Variants in EVC2 observed in about 807,000 individuals in gnomAD.
The protein encoded by EVC2 is EvC ciliary complex subunit 2.
A neutral mutation model predicts 149.3 loss-of-function variants in EVC2; 148 were observed. The observed-to-expected ratio is 0.99, with a 90% confidence interval of 0.87 to 1.14. The LOEUF (loss-of-function observed/expected upper bound fraction) is 1.14. Ranked by LOEUF, EVC2 falls within the 50% of genes most tolerant of loss-of-function variation. The pLI is 0.00. For synonymous variants in EVC2, 776 were observed against 649.9 expected (o/e 1.19, Z -2.95); for missense variants, 1,854 against 1,627.3 (o/e 1.14, Z -2.40).
At chr4:5,697,798 T>A (rs112470838) in intron 1 of EVC2, 151 bp from the exon 2 acceptor site, 1 of 692,682 alleles carries the variant, frequency 1.4e-6, no homozygotes. Flanking sequence ...CAGGCTGCAG[T>A]GCAGTGGCGC....
intron 20 of EVC2, among the ~76,000 whole-genome samples, chr4:5,565,905 G>C (rs917973506): frequency 1.3e-5 from 2 of 152,146 alleles, no homozygotes; most frequent in African/African-American, 4.8e-5. Context: ...TGACGGGTTG[G>C]GGGAGTCATT....
chr4:5,606,267 C>G (rs1344442965), intron 16 of EVC2, among the ~76,000 whole-genome samples: 1 of 152,198 alleles, frequency 6.6e-6, no homozygotes, highest in African/African-American at 2.4e-5. Context: ...TTTTTGAGAA[C>G]AAATCTTTTA....
chr4:5,650,728 A>G (rs1349575591), intron 9 of EVC2, among the ~76,000 whole-genome samples: 1 of 150,008 alleles, frequency 6.7e-6, no homozygotes, highest in Non-Finnish European at 1.5e-5. Context: ...TCTCTCTTAC[A>G]GGTAAAGAAA....
At chr4:5,682,398 G>A (rs997929033) in intron 6 of EVC2, among the ~76,000 whole-genome samples, 1 of 151,826 alleles carries the variant, frequency 6.6e-6, no homozygotes, top group African/African-American at 2.4e-5. Context: ...GCTGAGGCAG[G>A]AGAATGGCTT....
intron 9 of EVC2, among the ~76,000 whole-genome samples, chr4:5,650,647 AG>A: frequency 7.9e-6 from 1 of 126,886 alleles, no homozygotes; most frequent in Non-Finnish European, 1.7e-5. Flanking sequence ...ATAGAGAGAG[AG>A]AGAGAGAGAG....
the EVC2 span, among the ~76,000 whole-genome samples, chr4:5,532,227 A>G: frequency 6.6e-6 from 1 of 152,110 alleles, no homozygotes; most frequent in Non-Finnish European, 1.5e-5. Flanking sequence ...TCCAGCCTAA[A>G]GGCCATCTGT....
At chr4:5,698,788 C>T (rs1003221593) in intron 1 of EVC2, among the ~76,000 whole-genome samples, 2 of 152,240 alleles carry the variant, frequency 1.3e-5, no homozygotes, top group Admixed American at 6.5e-5. Context: ...AGCACATGTG[C>T]TCACCCTGCA....
chr4:5,594,911 C>G (rs983272820), intron 16 of EVC2, among the ~76,000 whole-genome samples: 4 of 152,020 alleles, frequency 2.6e-5, no homozygotes, highest in Non-Finnish European at 4.4e-5. Context: ...TAGAGAACTA[C>G]GAGAAGAATG....
chr4:5,553,205 G>C (rs543095088), intron 21 of EVC2, among the ~76,000 whole-genome samples: 11 of 152,204 alleles, frequency 7.2e-5, no homozygotes, highest in Non-Finnish European at 1.0e-4. Flanking sequence ...AGGGGAAGCA[G>C]GCATGTCTCA....
At chr4:5,575,317 CAA>C (rs1560132138) in intron 18 of EVC2, among the ~76,000 whole-genome samples, 1 of 152,216 alleles carries the variant, frequency 6.6e-6, no homozygotes, top group Non-Finnish European at 1.5e-5. Context: ...CAACTCAAAT[CAA>C]AAGTTTGAAC....
chr4:5,623,468 T>C (rs1242288830), intron 13 of EVC2, among the ~76,000 whole-genome samples: 1 of 152,114 alleles, frequency 6.6e-6, no homozygotes, highest in Non-Finnish European at 1.5e-5. Flanking sequence ...GCCTCCCCAG[T>C]AGCTGGGATT....
At chr4:5,652,461 A>C (rs910653501) in intron 9 of EVC2, among the ~76,000 whole-genome samples, 2 of 152,212 alleles carry the variant, frequency 1.3e-5, no homozygotes, top group East Asian at 3.9e-4. Flanking sequence ...GCTGTAACAA[A>C]GTAACACAAA....
Position 5,677,205 on chromosome 4 carries a change from C to T in EVC2, c.870+4055G>A, listed in dbSNP as rs939201386. On this transcript the variant is annotated intron_variant, in intron 7 of 21. Transcript: ENST00000344408. The surrounding 1 kb of genome is among the most constrained non-coding windows in gnomAD (Gnocchi z 4.3). ...CTCAACAACCATCCTATGAAGTGAA[C>T]GTTGTTATTACTCTCATTTCACAGT... Among the ~76,000 whole-genome samples the T allele has an allele frequency of 5.9e-5, 9 of 152,160 alleles. No individual in the cohort carries two copies. The highest frequency in any genetic ancestry group is 1.4e-4 in the African/African-American group (6 of 41,424).
rs2151729261 is a variant in EVC2, at chr4:5,686,553, G to C, written c.707-1074C>G. Among the ~76,000 whole-genome samples, 1 of 152,230 alleles carries C rather than the reference G, an allele frequency of 6.6e-6. No homozygotes were observed. The stretch of plus-strand genomic sequence containing the variant: ...GCCCCGAGATGGATGGAGAACACGT[G>C]ATTTTCTGCAACATACAGAAGAAGA... On this transcript the variant is annotated intron_variant, in intron 5 of 21. Transcript: ENST00000344408. The surrounding 1 kb of genome is among the most constrained non-coding windows in gnomAD (Gnocchi z 5.4).
rs1488083681 is a variant in EVC2, at chr4:5,677,469, T to G, written c.870+3791A>C. Among the ~76,000 whole-genome samples, 1 of 152,142 alleles carries G rather than the reference T, an allele frequency of 6.6e-6. No homozygotes were observed. The highest frequency in any genetic ancestry group is 1.9e-4 in the East Asian group (1 of 5,172). On this transcript the variant is annotated intron_variant, in intron 7 of 21. Coordinates refer to ENST00000344408, the MANE Select transcript of EVC2 (RefSeq NM_147127.5). This position sits in a 1 kb window ranked among gnomAD's most constrained non-coding sequence, Gnocchi z 4.3. ...GGTGTGGCTGAAATCCAGCCCCAGC[T>G]CCACGGCCAGGACTTGCATCCACAG...
rs115607710 is a variant in EVC2, at chr4:5,614,323, C to T, written c.2829+1099G>A. ...TTTCCCCCAACTAGAACGGGCTCGC[C>T]TCTACTGGAGAGCAGGGACCAGGGC... On this transcript the variant is annotated intron_variant, in intron 16 of 21. Coordinates refer to ENST00000344408, the MANE Select transcript of EVC2 (RefSeq NM_147127.5). This position sits in a 1 kb window ranked among gnomAD's most constrained non-coding sequence, Gnocchi z 4.7. Among the ~76,000 whole-genome samples, 450 of 152,334 alleles carry T rather than the reference C, an allele frequency of 3.0e-3. 1 individual carries two copies. The highest frequency in any genetic ancestry group is 0.011 in the African/African-American group (438 of 41,574).
At position 5,583,069 on chromosome 4, in the gene EVC2, C is replaced by T. The variant is rs556891371; in HGVS notation, c.3057+1554G>A. Among the ~76,000 whole-genome samples the T allele has an allele frequency of 2.6e-5, 4 of 152,170 alleles. No individual in the cohort carries two copies. The East Asian group carries it at 5.8e-4, about 22-fold the overall frequency. On this transcript the variant is annotated intron_variant, in intron 17 of 21. Coordinates refer to ENST00000344408, the MANE Select transcript of EVC2 (RefSeq NM_147127.5). ...TCTCAGGGTATTTCTTATAGCAATG[C>T]AAGAACAGACTAATATAAAGACATA... is the stretch of plus-strand genomic sequence containing the variant.
chr4:5,704,482 C>G (rs1722013262), intron 1 of EVC2, among the ~76,000 whole-genome samples: 2 of 152,012 alleles, frequency 1.3e-5, no homozygotes, highest in South Asian at 2.1e-4. Flanking sequence ...CGGGCCATGT[C>G]AGGTAGGCAT....
the EVC2 span, among the ~76,000 whole-genome samples, chr4:5,533,109 C>T: frequency 1.3e-5 from 2 of 150,944 alleles, no homozygotes; most frequent in Non-Finnish European, 2.9e-5. Flanking sequence ...GGGAGACAGA[C>T]AATAAACCAG....
Sources: gnomAD v4.1 joint callset for allele counts (sites outside exome capture counted in the v4.1 genomes callset) on GRCh38, gnomAD v4.1.1 for gene constraint, Gnocchi (gnomAD v3.1) non-coding constraint, MANE v1.5 for transcripts, NCBI Gene and HGNC (gene_info 2026-07-23, HGNC 2026-07-21) for gene names.